The following WNT2B variants were observed in gnomAD, a reference collection of about 807,000 sequenced individuals.
The protein encoded by WNT2B is Wnt family member 2B, also known as protein Wnt-2b.
In WNT2B, 19 loss-of-function variants were observed where a neutral mutation model predicts 40.5. The observed-to-expected ratio is 0.47, with a 90% confidence interval of 0.33 to 0.69. The LOEUF is 0.69. WNT2B is among the 30% of genes least tolerant of loss of function. WNT2B has a pLI of 0.02. For synonymous variants in WNT2B, 220 were observed against 211.9 expected (o/e 1.04, Z -0.33); for missense variants, 467 against 556.4 (o/e 0.84, Z 1.62).
chr1:112,490,444 G>C (rs1268584902), intron 1 of WNT2B, among the ~76,000 whole-genome samples: 1 of 152,068 alleles, frequency 6.6e-6, no homozygotes, highest in Non-Finnish European at 1.5e-5. Flanking sequence ...GGCTCAAAGA[G>C]AGAGAGATAA....
At chr1:112,508,557 T>C (rs1652202249), upstream of WNT2B, among the ~76,000 whole-genome samples, 1 of 152,096 alleles carries the variant, frequency 6.6e-6, no homozygotes, top group South Asian at 2.1e-4. This position sits in a 1 kb window ranked among gnomAD's most constrained non-coding sequence, Gnocchi z 4.2. Context: ...AGCGCAAGGA[T>C]GGAGGAAATG....
At chr1:112,491,401 C>T (rs1405882803) in intron 1 of WNT2B, among the ~76,000 whole-genome samples, 4 of 151,868 alleles carry the variant, frequency 2.6e-5, no homozygotes, top group Non-Finnish European at 4.4e-5. Context: ...AGCAAGACTC[C>T]GTCTCAATAA....
chr1:112,503,619 A>C (rs142186464), intron 1 of WNT2B, among the ~76,000 whole-genome samples: 1 of 152,294 alleles, frequency 6.6e-6, no homozygotes, highest in East Asian at 1.9e-4. Context: ...AGAAAGAGCA[A>C]GACAAACGGT....
intron 1 of WNT2B, among the ~76,000 whole-genome samples, chr1:112,500,658 G>A (rs1321914858): frequency 6.6e-6 from 1 of 152,042 alleles, no homozygotes; most frequent in African/African-American, 2.4e-5. Context: ...TGTAGTCCCA[G>A]CTAATCGGGA....
chr1:112,499,203 C>CA lies in WNT2B; in HGVS notation c.-94-15653dup, dbSNP rs34199500. Among the ~76,000 whole-genome samples, 652 of 105,020 alleles carry CA rather than the reference C, an allele frequency of 6.2e-3. 6 individuals are homozygous for CA. The highest frequency in any genetic ancestry group is 7.6e-3 in the African/African-American group (208 of 27,324). 68.9% of individuals were successfully genotyped at this position (105,020 alleles called of 152,430 possible). On this transcript the variant is annotated intron_variant, in intron 1 of 4. Transcript: ENST00000256640. Reference sequence around the variant, plus strand: ...CCTGGGCGACAGAGCAAGACTGTCTCAAAAAAAAAAAAAAAAAAGCCACTT... The same window carrying CA: ...CCTGGGCGACAGAGCAAGACTGTCTCAAAAAAAAAAAAAAAAAAAGCCACTT...
chr1:112,526,205 G>A lies in WNT2B; in HGVS notation c.*5696G>A, dbSNP rs1653353241. On this transcript the variant is annotated 3_prime_UTR_variant, in exon 5 of 5. Transcript: ENST00000369684. ...TCTGAGCACAGTTTACAAAGGAACA[G>A]CCTAGGCCCTCCTGAACCTTATCAA... 4.5e-6 allele frequency: 7 copies of A among 1,551,340 alleles called. No individual in the cohort carries two copies. The South Asian group carries it at 8.3e-5, about 18-fold the overall frequency.
upstream of WNT2B, among the ~76,000 whole-genome samples, chr1:112,507,870 T>C (rs1652170617): frequency 6.6e-6 from 1 of 152,228 alleles, no homozygotes; most frequent in Non-Finnish European, 1.5e-5. Context: ...CCCAGGATTT[T>C]AAAAAGAATT....
chr1:112,496,352 A>G (rs1421579268), intron 1 of WNT2B, among the ~76,000 whole-genome samples: 1 of 152,150 alleles, frequency 6.6e-6, no homozygotes, highest in African/African-American at 2.4e-5. Flanking sequence ...TGGCCCCCAC[A>G]AAGTCATGTC....
intron 1 of WNT2B, among the ~76,000 whole-genome samples, chr1:112,478,976 G>T (rs887996309): frequency 6.6e-6 from 1 of 151,832 alleles, no homozygotes; most frequent in African/African-American, 2.4e-5. Flanking sequence ...ATCCCAGTAC[G>T]TTGGGAGGCC....
At chr1:112,508,946 G>A (rs577757149), upstream of WNT2B, 27 of 1,174,368 alleles carry the variant, frequency 2.3e-5, no homozygotes, top group South Asian at 9.2e-4. The surrounding 1 kb of genome is among the most constrained non-coding windows in gnomAD (Gnocchi z 4.2). Flanking sequence ...ATGAGAGCCC[G>A]CGGCCGAAGG....
chr1:112,488,321 A>AAC lies in WNT2B; in HGVS notation c.-95+20750_-95+20751dup, dbSNP rs572294006. On this transcript the variant is annotated intron_variant, in intron 1 of 4. Coordinates refer to the WNT2B transcript ENST00000256640. ...TCAAACAAACAAACAACAACAACAAAACACACACACACACACACACAAACT... is the reference window on the plus strand; with the variant it reads ...TCAAACAAACAAACAACAACAACAAAACACACACACACACACACACACAAACT... Among the ~76,000 whole-genome samples the AAC allele has an allele frequency of 8.6e-3, 1,283 of 149,442 alleles. 11 individuals are homozygous for AAC. The highest frequency in any genetic ancestry group is 0.023 in the African/African-American group (957 of 40,810).
At position 112,493,941 on chromosome 1, in the gene WNT2B, A is replaced by C. The variant is rs1378838578; in HGVS notation, c.-94-20933A>C. Among the ~76,000 whole-genome samples the C allele has an allele frequency of 1.9e-4, 4 of 21,012 alleles. No individual in the cohort carries two copies. In the South Asian group the frequency reaches 0.019, roughly 97 times the overall value. 13.8% of individuals were successfully genotyped at this position (21,012 alleles called of 152,430 possible). A position where few individuals can be genotyped will look rare whatever the true frequency, so the allele number is the denominator to read the frequency against. ...TTTAAAACTGCAAAAAATCTAAGAC[A>C]AAAAAAAAAAAACGATATTGAAAGA... On this transcript the variant is annotated intron_variant, in intron 1 of 4. Transcript: ENST00000256640.
intron 1 of WNT2B, among the ~76,000 whole-genome samples, chr1:112,494,395 G>T (rs1213357342): frequency 6.6e-6 from 1 of 151,198 alleles, no homozygotes; most frequent in Non-Finnish European, 1.5e-5. Context: ...TTAAGACACG[G>T]TCTTGCTCTA....
rs563822136 is a variant in WNT2B at position 112,517,163 on chromosome 1, G to A, written c.724G>A (p.Val242Met). The A allele has an allele frequency of 1.4e-5, 23 of 1,614,010 alleles. No individual in the cohort carries two copies. The highest frequency in any genetic ancestry group is 9.9e-5 in the South Asian group (9 of 91,074). Residue 242 changes from valine (V) to methionine (M), a missense_variant, in exon 4 of 5, where the codon GTG (valine) becomes ATG (methionine). Coordinates refer to ENST00000369684, the MANE Select transcript of WNT2B (RefSeq NM_024494.3). ...GAAGCTGGAGTGTAAGTGCCATGGCGTGAGTGGTTCCTGTACTCTGCGCAC... is the reference window on the plus strand; with the variant it reads ...GAAGCTGGAGTGTAAGTGCCATGGCATGAGTGGTTCCTGTACTCTGCGCAC... ...FLKLECKCHG[V>M]SGSCTLRTCW...
At chr1:112,493,937 A>T (rs1454183291) in intron 1 of WNT2B, among the ~76,000 whole-genome samples, 1 of 92,066 alleles carries the variant, frequency 1.1e-5, no homozygotes, top group African/African-American at 3.1e-5. Flanking sequence ...AAAAAATCTA[A>T]GACAAAAAAA....
chr1:112,496,007 G>A (rs570679186), intron 1 of WNT2B, among the ~76,000 whole-genome samples: 1 of 152,130 alleles, frequency 6.6e-6, no homozygotes, highest in Non-Finnish European at 1.5e-5. Context: ...ATTCAGGAGG[G>A]CTCCACCCTC....
At chr1:112,482,164 A>G (rs1411051817) in intron 1 of WNT2B, among the ~76,000 whole-genome samples, 1 of 150,914 alleles carries the variant, frequency 6.6e-6, no homozygotes, top group Non-Finnish European at 1.5e-5. Flanking sequence ...AAAAAAAATT[A>G]GCCAGGCTAA....
intron 4 of WNT2B, among the ~76,000 whole-genome samples, chr1:112,519,077 G>GC: frequency 6.6e-6 from 1 of 152,120 alleles, no homozygotes; most frequent in Admixed American, 6.6e-5. Flanking sequence ...GGTTTTTGGT[G>GC]CCCAAGAGGA....
In WNT2B at chr1:112,525,957, G is replaced by A; in HGVS notation, c.*5448G>A. 6.2e-7 allele frequency: 1 copy of A among 1,608,434 alleles called. No individual in the cohort carries two copies. Among genetic ancestry groups the A allele is most frequent in the Non-Finnish European group, 8.5e-7 (1 of 1,175,804 alleles). On this transcript the variant is annotated 3_prime_UTR_variant, in exon 5 of 5. Coordinates refer to ENST00000369684, the MANE Select transcript of WNT2B (RefSeq NM_024494.3). ...AGGTAGGGGTTACTGTCACTTTACA[G>A]ATGCTGTTCAGAAAAATTTGGTGAT...
Sources: gnomAD v4.1 joint callset for allele counts (sites outside exome capture counted in the v4.1 genomes callset) on GRCh38, gnomAD v4.1.1 for gene constraint, Gnocchi (gnomAD v3.1) non-coding constraint, MANE v1.5 for transcripts, NCBI Gene and HGNC (gene_info 2026-07-23, HGNC 2026-07-21) for gene names.